RBFOX1: variants seen among roughly 807,000 people sequenced by gnomAD.
RBFOX1 encodes RNA binding protein fox-1 homolog 1.
Under a neutral mutation model 57.7 loss-of-function variants are expected in RBFOX1, and 8 were observed. The observed-to-expected ratio is 0.14, with a 90% CI of 0.08 to 0.25. The LOEUF (loss-of-function observed/expected upper bound fraction) is 0.25. Ranked by LOEUF, RBFOX1 falls within the 10% of genes least tolerant of loss-of-function variation. The pLI, the probability that RBFOX1 is intolerant of heterozygous loss-of-function variation, is 1.00. For synonymous variants in RBFOX1, 326 were observed against 222.4 expected (o/e 1.47, Z -4.15); for missense variants, 611 against 548.5 (o/e 1.11, Z -1.14).
intron 2 of RBFOX1, among the ~76,000 whole-genome samples, chr16:5,496,567 A>C (rs1429583642): frequency 6.6e-6 from 1 of 152,132 alleles, no homozygotes; most frequent in Admixed American, 6.5e-5. Context: ...ATCATTTAGG[A>C]GGAAGCTTGC....
chr16:6,451,522 G>A (rs1358139031), intron 2 of RBFOX1, among the ~76,000 whole-genome samples: 2 of 152,138 alleles, frequency 1.3e-5, no homozygotes, highest in East Asian at 3.9e-4. Flanking sequence ...AGCCTCCTGG[G>A]CGTGACTTCC....
chr16:5,435,960 T>G (rs933634206), intron 1 of RBFOX1, among the ~76,000 whole-genome samples: 3 of 152,228 alleles, frequency 2.0e-5, no homozygotes, highest in Non-Finnish European at 4.4e-5. Flanking sequence ...CTTAGGAATT[T>G]GAAGTCTTTG....
intron 3 of RBFOX1, among the ~76,000 whole-genome samples, chr16:6,946,388 C>T (rs1226073263): frequency 5.9e-5 from 9 of 152,160 alleles, no homozygotes; most frequent in African/African-American, 2.2e-4. Context: ...CTTATCTGTG[C>T]CATAAAGCAA....
chr16:6,287,690 A>G (rs1476281476), intron 1 of RBFOX1, among the ~76,000 whole-genome samples: 1 of 152,160 alleles, frequency 6.6e-6, no homozygotes, highest in Non-Finnish European at 1.5e-5. Context: ...ACATAAAAGC[A>G]CACACACATA....
At chr16:7,283,401 C>T (rs534462635) in intron 4 of RBFOX1, among the ~76,000 whole-genome samples, 1 of 152,106 alleles carries the variant, frequency 6.6e-6, no homozygotes, top group African/African-American at 2.4e-5. Flanking sequence ...CCATGAGTTC[C>T]CACAGTTGGA....
rs574062020 is a variant in RBFOX1, at chr16:5,902,528, G to C, written c.351+35193G>C. ...CCTCCCAGGTTCGAGTGATTCTCCCGCGCCAGCCACCCGAGTAGCTGGGAT... is the reference window on the plus strand; with the variant it reads ...CCTCCCAGGTTCGAGTGATTCTCCCCCGCCAGCCACCCGAGTAGCTGGGAT... On this transcript the variant is annotated intron_variant, in intron 4 of 19. Coordinates refer to the RBFOX1 transcript ENST00000641259. Among the ~76,000 whole-genome samples, 13 of 152,154 alleles carry C rather than the reference G, an allele frequency of 8.5e-5. 1 individual carries two copies. Among genetic ancestry groups the C allele is most frequent in the African/African-American group, 2.6e-4 (11 of 41,520 alleles).
At chr16:6,472,360 G>T (rs1356316983) in intron 2 of RBFOX1, among the ~76,000 whole-genome samples, 3 of 152,186 alleles carry the variant, frequency 2.0e-5, no homozygotes, top group Non-Finnish European at 4.4e-5. Context: ...ATCCCTAGAA[G>T]ATGGCTTCCT....
chr16:7,681,083 G>T (rs1044278022), intron 14 of RBFOX1, among the ~76,000 whole-genome samples: 7 of 152,156 alleles, frequency 4.6e-5, no homozygotes, highest in African/African-American at 1.7e-4. Context: ...CTATTTCAGA[G>T]ACAGATTTGT....
chr16:7,480,235 C>T (rs1462034410), intron 4 of RBFOX1, among the ~76,000 whole-genome samples: 1 of 152,154 alleles, frequency 6.6e-6, no homozygotes, highest in Non-Finnish European at 1.5e-5. Flanking sequence ...AGCACTGGGC[C>T]TCGGGAAGCA....
intron 3 of RBFOX1, among the ~76,000 whole-genome samples, chr16:6,943,821 A>C (rs1597967856): frequency 6.6e-6 from 1 of 152,264 alleles, no homozygotes; most frequent in South Asian, 2.1e-4. Flanking sequence ...ACTGTGTTCA[A>C]ATAAGGCAAA....
chr16:5,380,292 T>C (rs1170843445), intron 1 of RBFOX1, among the ~76,000 whole-genome samples: 2 of 152,110 alleles, frequency 1.3e-5, no homozygotes, highest in African/African-American at 2.4e-5. Context: ...ATGTCCACAA[T>C]AGGGGAATTA....
intron 4 of RBFOX1, among the ~76,000 whole-genome samples, chr16:7,416,876 C>G (rs1033205063): frequency 6.6e-6 from 1 of 152,240 alleles, no homozygotes; most frequent in Middle Eastern, 3.4e-3. Flanking sequence ...CAATCCCCGA[C>G]AACAACCCTC....
chr16:5,998,475 G>C (rs562788142), intron 4 of RBFOX1, among the ~76,000 whole-genome samples: 1 of 152,360 alleles, frequency 6.6e-6, no homozygotes, highest in South Asian at 2.1e-4. Context: ...AGAACTAGAA[G>C]AGGCTTCGGA....
intron 1 of RBFOX1, among the ~76,000 whole-genome samples, chr16:5,342,279 C>T (rs2151297239): frequency 6.6e-6 from 1 of 152,270 alleles, no homozygotes; most frequent in East Asian, 1.9e-4. Context: ...GCAACCCTGG[C>T]TTTAGAAGTT....
At chr16:5,392,080 A>G (rs1398262703) in intron 1 of RBFOX1, among the ~76,000 whole-genome samples, 1 of 152,062 alleles carries the variant, frequency 6.6e-6, no homozygotes, top group African/African-American at 2.4e-5. Flanking sequence ...GAGCTAAGCT[A>G]TGAGGACGCA....
At chr16:5,967,683 C>T (rs566209905) in intron 4 of RBFOX1, among the ~76,000 whole-genome samples, 1 of 152,156 alleles carries the variant, frequency 6.6e-6, no homozygotes, top group Non-Finnish European at 1.5e-5. Flanking sequence ...TCTATCTCTT[C>T]TTCTTCCCCC....
At chr16:6,672,219 A>G (rs770607984) in intron 3 of RBFOX1, among the ~76,000 whole-genome samples, 4 of 152,236 alleles carry the variant, frequency 2.6e-5, no homozygotes, top group Non-Finnish European at 5.9e-5. Flanking sequence ...TCATTGAAAT[A>G]TAATCATTTC....
chr16:6,704,978 T>C (rs1360938119), intron 3 of RBFOX1: 1 of 152,200 alleles, frequency 6.6e-6, no homozygotes, highest in Non-Finnish European at 1.5e-5. Context: ...GGGATAATGC[T>C]ACCTCATGGC....
At chr16:7,225,919 T>TATATAAAA (rs1315130232) in intron 4 of RBFOX1, among the ~76,000 whole-genome samples, 3 of 142,160 alleles carry the variant, frequency 2.1e-5, no homozygotes, top group South Asian at 2.2e-4. Context: ...TATATATATA[T>TATATAAAA]AAATGTGAAT....
Sources: allele counts gnomAD v4.1 joint callset (sites outside exome capture counted in the v4.1 genomes callset), GRCh38; gene constraint gnomAD v4.1.1; transcripts MANE v1.5; gene names NCBI Gene and HGNC (gene_info 2026-07-23, HGNC 2026-07-21).